The following RFX6 variants were observed in gnomAD, a reference collection of about 807,000 sequenced individuals.
RFX6 encodes the protein DNA-binding protein RFX6.
RFX6 carries 50 observed loss-of-function variants against 110.8 expected under a neutral mutation model. That is an observed-to-expected ratio of 0.45 (90% confidence interval 0.36 to 0.57). The LOEUF is 0.57. RFX6 is among the 20% of genes least tolerant of loss of function. The probability of loss-of-function intolerance (pLI) is 0.00; values close to 1 mark genes in which losing one functional copy is unlikely to be tolerated. For synonymous variants in RFX6, 383 were observed against 411.2 expected (o/e 0.93, Z 0.83); for missense variants, 990 against 1,127.0 (o/e 0.88, Z 1.74).
intron 4 of RFX6, among the ~76,000 whole-genome samples, chr6:116,891,575 CATT>C (rs1247737754): frequency 1.3e-5 from 2 of 152,116 alleles, no homozygotes; most frequent in Non-Finnish European, 2.9e-5. Context: ...TGTTTTCAAA[CATT>C]ATTTGATTTA....
intron 6 of RFX6, among the ~76,000 whole-genome samples, chr6:116,904,534 ATC>A (rs1775153031): frequency 1.3e-5 from 2 of 152,120 alleles, no homozygotes; most frequent in African/African-American, 4.8e-5. Context: ...AAAATATACT[ATC>A]TCAGCCATTT....
At chr6:116,905,229 A>T (rs191803256) in intron 6 of RFX6, among the ~76,000 whole-genome samples, 1 of 152,270 alleles carries the variant, frequency 6.6e-6, no homozygotes, top group Non-Finnish European at 1.5e-5. Flanking sequence ...TGTTTATAGT[A>T]GCCATCCCAG....
chr6:116,891,817 C>A (rs1180456075), intron 4 of RFX6, among the ~76,000 whole-genome samples: 6 of 152,012 alleles, frequency 3.9e-5, no homozygotes, highest in Non-Finnish European at 7.4e-5. Flanking sequence ...TCTTTCTTTT[C>A]GTTTCTAATT....
At chr6:116,894,628 G>A (rs1185650526) in intron 5 of RFX6, among the ~76,000 whole-genome samples, 1 of 150,472 alleles carries the variant, frequency 6.6e-6, no homozygotes, top group Non-Finnish European at 1.5e-5. Context: ...GGGGATATTA[G>A]TAAGTGAGGT....
intron 12 of RFX6, among the ~76,000 whole-genome samples, chr6:116,921,366 T>G (rs1775590927): frequency 6.6e-6 from 1 of 152,202 alleles, no homozygotes; most frequent in South Asian, 2.1e-4. Context: ...ATAAAAGATA[T>G]TTTGGAAAGC....
chr6:116,928,804 G>T lies in RFX6; in HGVS notation c.2444G>T (p.Gly815Val), dbSNP rs747272103. 6.2e-7 allele frequency: 1 copy of T among 1,613,874 alleles called. No individual in the cohort carries two copies. Among genetic ancestry groups the T allele is most frequent in the African/African-American group, 1.3e-5 (1 of 74,886 alleles). ...NINYPESHRLGSMVNQHVSVI... is the reference protein window; with the variant it reads ...NINYPESHRLVSMVNQHVSVI... ...AACTACCCAGAGTCTCACAGGCTCG[G>T]ATCAATGGTGAATCAGCACGTTTCT... The change falls in exon 18 of 19, where the codon GGA becomes GTA. Residue 815 changes from glycine to valine, a missense_variant. By Grantham distance (109) the Gly-to-Val change is moderately radical. Transcript: ENST00000332958.
chr6:116,904,086 G>A (rs747584784), intron 6 of RFX6, among the ~76,000 whole-genome samples: 8 of 151,984 alleles, frequency 5.3e-5, no homozygotes, highest in Non-Finnish European at 1.2e-4. Context: ...GTTTTTGCCA[G>A]TCTTGTGGGT....
intron 2 of RFX6, among the ~76,000 whole-genome samples, 181 bp from the exon 3 acceptor site, chr6:116,880,363 A>T (rs553223083): frequency 6.6e-6 from 1 of 152,194 alleles, no homozygotes; most frequent in Admixed American, 6.5e-5. Flanking sequence ...GGGGTTTTGT[A>T]CTTTTAACAT....
intron 14 of RFX6, 194 bp downstream of exon 14, chr6:116,923,418 G>T (rs1420553666): frequency 2.2e-5 from 13 of 580,026 alleles, no homozygotes; most frequent in Non-Finnish European, 4.0e-5. Context: ...TCCTAACAAT[G>T]ATTGTCTCTG....
In RFX6 at chr6:116,914,447, G is replaced by C. The variant is rs546657505; in HGVS notation, c.781-1561G>C. On this transcript the variant is annotated intron_variant, in intron 7 of 18. Coordinates refer to ENST00000332958, the MANE Select transcript of RFX6 (RefSeq NM_173560.4). ...CCTTTTTCTGGATATATACAGAAAG[G>C]GTTAATTTTTGACAACAGTTATGAC... Among the ~76,000 whole-genome samples, 38 of 152,252 alleles carry C rather than the reference G, an allele frequency of 2.5e-4. 1 individual carries two copies. In the South Asian group the frequency reaches 6.4e-3, roughly 26 times the overall value.
Position 116,925,676 on chromosome 6 carries a change from T to A in RFX6, c.1885+17T>A. The A allele has an allele frequency of 6.3e-7, 1 of 1,575,938 alleles. No homozygotes were observed. Among genetic ancestry groups the A allele is most frequent in the Non-Finnish European group, 8.7e-7 (1 of 1,146,342 alleles). On this transcript the variant is annotated intron_variant, in intron 16 of 18. Transcript: ENST00000332958. ...CGCTCACAGGTACGCTAAAGAGAAC[T>A]GCTTAGGCTCCAGCACATCTCAGAG...
At chr6:116,898,741 T>C (rs1390207843) in intron 6 of RFX6, among the ~76,000 whole-genome samples, 2 of 152,028 alleles carry the variant, frequency 1.3e-5, no homozygotes, top group East Asian at 3.9e-4. Flanking sequence ...AAAGTTGAGG[T>C]AGCTTCTGTT....
intron 15 of RFX6, among the ~76,000 whole-genome samples, chr6:116,925,052 T>C (rs1056117111): frequency 6.6e-6 from 1 of 152,182 alleles, no homozygotes; most frequent in African/African-American, 2.4e-5. Flanking sequence ...TAAGGTGAAG[T>C]TGGAGAAGTG....
intron 13 of RFX6, 127 bp downstream of exon 13, chr6:116,922,278 G>T: frequency 2.9e-6 from 2 of 690,920 alleles, no homozygotes; most frequent in South Asian, 3.1e-5. Context: ...AAAAGCTTTT[G>T]ATGCTCTACG....
rs766228304 is a variant in RFX6 at position 116,931,434 on chromosome 6, C to T, written c.2715C>T (p.Ser905=). The T allele has an allele frequency of 1.9e-6, 3 of 1,612,804 alleles. No individual in the cohort carries two copies. Among genetic ancestry groups the T allele is most frequent in the Admixed American group, 1.7e-5 (1 of 60,012 alleles). ...AQETLDSHGT[S]SREMVSSLPP... ...AAACCCTGGACTCCCATGGAACAAG[C>T]AGTAGAGAAATGGTGTCCTCTTTAC... is the stretch of plus-strand genomic sequence containing the variant. The change falls in exon 19 of 19, where the codon AGC becomes AGT. Residue 905 remains serine (S), a synonymous_variant. Coordinates refer to ENST00000332958, the MANE Select transcript of RFX6 (RefSeq NM_173560.4).
At chr6:116,929,790 C>T (rs947244399) in intron 18 of RFX6, among the ~76,000 whole-genome samples, 2 of 152,186 alleles carry the variant, frequency 1.3e-5, no homozygotes, top group African/African-American at 4.8e-5. Flanking sequence ...AGATTGATTT[C>T]AGACTAGCAT....
intron 18 of RFX6, among the ~76,000 whole-genome samples, chr6:116,930,293 C>T (rs772637348): frequency 6.6e-6 from 1 of 151,910 alleles, no homozygotes; most frequent in Non-Finnish European, 1.5e-5. Flanking sequence ...ACAGAGAGCA[C>T]GTCATGTCAG....
chr6:116,929,111 A>G lies in RFX6; in HGVS notation c.2611+140A>G, dbSNP rs974285338. The G allele has an allele frequency of 4.6e-5, 32 of 696,586 alleles. 1 individual carries two copies. In the Admixed American group the frequency reaches 6.5e-4, roughly 14 times the overall value. The allele number at this position is 696,586 out of a possible 1,614,324, so 43.2% of individuals were successfully genotyped here. A position where few individuals can be genotyped will look rare whatever the true frequency, so the allele number is the denominator to read the frequency against. The stretch of plus-strand genomic sequence containing the variant: ...GATTTATTACCTTGGATCTAAAGTT[A>G]TATTTTTTGTATCTGACTACACAGT... On this transcript the variant is annotated intron_variant, in intron 18 of 18. Coordinates refer to ENST00000332958, the MANE Select transcript of RFX6 (RefSeq NM_173560.4).
At position 116,877,411 on chromosome 6, in the gene RFX6, T is replaced by G. The variant is rs1431824291; in HGVS notation, c.136T>G (p.Tyr46Asp). Reference protein sequence around the residue: ...GLLVYPEETVYLAAEGQPGGE... With the variant: ...GLLVYPEETVDLAAEGQPGGE... Reference sequence around the variant, plus strand: ...GCTAGTCTATCCGGAAGAAACAGTGTACCTGGCGGCCGAAGGGCAGCCCGG... The same window carrying G: ...GCTAGTCTATCCGGAAGAAACAGTGGACCTGGCGGCCGAAGGGCAGCCCGG... Residue 46 changes from tyrosine to aspartate, a missense_variant, in exon 1 of 19, where the codon TAC becomes GAC. By Grantham distance (160) the Tyr-to-Asp change is radical. Transcript: ENST00000332958. 6.2e-7 allele frequency: 1 copy of G among 1,603,848 alleles called. No individual in the cohort carries two copies. Among genetic ancestry groups the G allele is most frequent in the Admixed American group, 1.7e-5 (1 of 58,778 alleles).
Sources: allele counts gnomAD v4.1 joint callset (sites outside exome capture counted in the v4.1 genomes callset), GRCh38; gene constraint gnomAD v4.1.1; transcripts MANE v1.5; gene names NCBI Gene and HGNC (gene_info 2026-07-23, HGNC 2026-07-21).